KCNQ3: variants seen among roughly 807,000 people sequenced by gnomAD.
KCNQ3 encodes the protein potassium voltage-gated channel subfamily Q member 3, also known as potassium voltage-gated channel subfamily KQT member 3.
KCNQ3 carries 30 observed loss-of-function variants against 92.5 expected under a neutral mutation model. That is an observed-to-expected ratio of 0.32 (90% CI 0.24 to 0.44). The LOEUF is 0.44. Among genes scored for constraint, KCNQ3 ranks in the 20% least tolerant of loss-of-function variants. KCNQ3 has a pLI of 1.00. For synonymous variants in KCNQ3, 450 were observed against 468.8 expected, an observed-to-expected ratio of 0.96 and a Z score of 0.52; for missense variants, 913 against 1,140.3, an observed-to-expected ratio of 0.80 and a Z score of 2.87.
At chr8:132,333,724 T>C (rs1212028931) in intron 1 of KCNQ3, among the ~76,000 whole-genome samples, 1 of 144,630 alleles carries the variant, frequency 6.9e-6, no homozygotes, top group Non-Finnish European at 1.5e-5. Flanking sequence ...CTGTGAACTC[T>C]TTATGAAACA....
intron 1 of KCNQ3, among the ~76,000 whole-genome samples, chr8:132,404,231 A>T (rs902169937): frequency 6.6e-6 from 1 of 152,220 alleles, no homozygotes; most frequent in Non-Finnish European, 1.5e-5. Context: ...CAAAAGCTCC[A>T]GGGAAGGTGG....
chr8:132,324,874 C>T (rs1002705600), intron 1 of KCNQ3, among the ~76,000 whole-genome samples: 2 of 152,302 alleles, frequency 1.3e-5, no homozygotes, highest in East Asian at 3.9e-4. Flanking sequence ...AGCTTTCCTG[C>T]AACTCAGCTC....
At chr8:132,277,742 C>T (rs983326643) in intron 1 of KCNQ3, among the ~76,000 whole-genome samples, 2 of 152,152 alleles carry the variant, frequency 1.3e-5, no homozygotes, top group Non-Finnish European at 2.9e-5. Context: ...CCCCAAAGGA[C>T]GGCCCAGAAA....
intron 1 of KCNQ3, among the ~76,000 whole-genome samples, chr8:132,390,721 C>T (rs796456746): frequency 2.0e-5 from 3 of 152,222 alleles, no homozygotes; most frequent in African/African-American, 7.2e-5. Flanking sequence ...ACAGTACTGA[C>T]CTGATGAGGT....
chr8:132,383,572 G>T (rs1021397277), intron 1 of KCNQ3, among the ~76,000 whole-genome samples: 2 of 152,166 alleles, frequency 1.3e-5, no homozygotes, highest in African/African-American at 4.8e-5. Flanking sequence ...ACAGACCTAG[G>T]CTGAGCCCCA....
chr8:132,155,897 A>G (rs533471640), intron 9 of KCNQ3, among the ~76,000 whole-genome samples: 1 of 152,318 alleles, frequency 6.6e-6, no homozygotes, highest in South Asian at 2.1e-4. Context: ...TGGAAGGAAC[A>G]GCATCATTAT....
rs555654824 is a variant in KCNQ3, at chr8:132,454,548, G to A, written c.386+25599C>T. On this transcript the variant is annotated intron_variant, in intron 1 of 14. Transcript: ENST00000388996. ...AAACGAGTACCTCCGTTTTACAGACGAAGAAATGGAGACCCAGAGGAATGA... is the reference window on the plus strand; with the variant it reads ...AAACGAGTACCTCCGTTTTACAGACAAAGAAATGGAGACCCAGAGGAATGA... Among the ~76,000 whole-genome samples the A allele has an allele frequency of 3.0e-4, 46 of 152,124 alleles. No homozygotes were observed. The South Asian group carries it at 8.7e-3, about 29-fold the overall frequency.
chr8:132,420,507 G>C (rs887945520), intron 1 of KCNQ3, among the ~76,000 whole-genome samples: 3 of 152,134 alleles, frequency 2.0e-5, no homozygotes, highest in Admixed American at 2.0e-4. Flanking sequence ...ACCAGGACTT[G>C]ATGTCTCCTC....
intron 1 of KCNQ3, among the ~76,000 whole-genome samples, chr8:132,324,762 T>C (rs1817991492): frequency 6.6e-6 from 1 of 152,198 alleles, no homozygotes; most frequent in Non-Finnish European, 1.5e-5. Flanking sequence ...AGATAGTGAC[T>C]TCCCAGGGTC....
chr8:132,456,020 C>T (rs548886136), intron 1 of KCNQ3, among the ~76,000 whole-genome samples: 8 of 152,246 alleles, frequency 5.3e-5, no homozygotes, highest in Non-Finnish European at 1.0e-4. Context: ...GCTGGGATTA[C>T]AGGCATGAGC....
intron 1 of KCNQ3, among the ~76,000 whole-genome samples, chr8:132,218,927 T>G (rs999136610): frequency 4.6e-5 from 7 of 152,178 alleles, no homozygotes; most frequent in Non-Finnish European, 1.0e-4. Context: ...TGACTGTGCA[T>G]GCTTTGTTAC....
intron 1 of KCNQ3, among the ~76,000 whole-genome samples, chr8:132,291,975 TTC>T (rs1375425374): frequency 6.6e-6 from 1 of 152,202 alleles, no homozygotes; most frequent in African/African-American, 2.4e-5. Context: ...TTTTAATAAC[TTC>T]TGTCTCCAAA....
intron 1 of KCNQ3, among the ~76,000 whole-genome samples, chr8:132,387,907 C>G (rs1819930288): frequency 6.6e-6 from 1 of 151,246 alleles, no homozygotes; most frequent in Admixed American, 6.6e-5. Context: ...GATCGCCTCA[C>G]TATACTCCAG....
At chr8:132,278,095 T>G (rs1159197908) in intron 1 of KCNQ3, 1 of 985,228 alleles carries the variant, frequency 1.0e-6, no homozygotes, top group African/African-American at 1.7e-5. Context: ...TCAAAGACCA[T>G]GAGATTTCCA....
chr8:132,155,542 T>C (rs1825775689), intron 9 of KCNQ3, among the ~76,000 whole-genome samples: 1 of 152,196 alleles, frequency 6.6e-6, no homozygotes, highest in African/African-American at 2.4e-5. Flanking sequence ...CCCTAGGAGA[T>C]AGGTACCCTT....
intron 9 of KCNQ3, among the ~76,000 whole-genome samples, chr8:132,148,166 G>A (rs900966044): frequency 1.3e-5 from 2 of 152,134 alleles, no homozygotes; most frequent in Admixed American, 6.5e-5. Flanking sequence ...GATAATGAAC[G>A]TGAAGTGGCC....
At chr8:132,141,492 G>A (rs1028170159) in intron 9 of KCNQ3, among the ~76,000 whole-genome samples, 161 bp from the exon 10 acceptor site, 6 of 152,172 alleles carry the variant, frequency 3.9e-5, no homozygotes, top group Non-Finnish European at 7.3e-5. Flanking sequence ...CGGACAGGGC[G>A]TGGTTCAAAT....
intron 1 of KCNQ3, among the ~76,000 whole-genome samples, chr8:132,355,657 T>C (rs1369613238): frequency 6.6e-6 from 1 of 152,082 alleles, no homozygotes; most frequent in African/African-American, 2.4e-5. Flanking sequence ...GAAAAAGGGA[T>C]GAGAAGGGGA....
At chr8:132,331,362 G>A (rs1818223822) in intron 1 of KCNQ3, among the ~76,000 whole-genome samples, 1 of 152,178 alleles carries the variant, frequency 6.6e-6, no homozygotes, top group South Asian at 2.1e-4. Flanking sequence ...CAGCCTCCAG[G>A]AGGATCACCC....
Sources: allele counts gnomAD v4.1 joint callset (sites outside exome capture counted in the v4.1 genomes callset), GRCh38; gene constraint gnomAD v4.1.1; transcripts MANE v1.5; gene names NCBI Gene and HGNC (gene_info 2026-07-23, HGNC 2026-07-21).